The following ASXL1 variants were observed in gnomAD, a reference collection of about 807,000 sequenced individuals.
The protein encoded by ASXL1 is ASXL transcriptional regulator 1, also known as polycomb group protein ASXL1.
A neutral mutation model predicts 89.1 loss-of-function variants in ASXL1; 65 were observed. That is an observed-to-expected ratio of 0.73 (90% confidence interval 0.60 to 0.90). ASXL1 has a LOEUF of 0.90. ASXL1 is among the 40% of genes least tolerant of loss of function. The pLI is 0.00. For synonymous variants in ASXL1, 739 were observed against 746.9 expected, an observed-to-expected ratio of 0.99 and a Z score of 0.17; for missense variants, 1,786 against 1,942.9, an observed-to-expected ratio of 0.92 and a Z score of 1.52.
At chr20:32,381,955 C>CTT in intron 4 of ASXL1, among the ~76,000 whole-genome samples, 1 of 121,212 alleles carries the variant, frequency 8.3e-6, no homozygotes. Context: ...TTTTTTCTTG[C>CTT]CTTTTTTTTT....
At position 32,429,181 on chromosome 20, in the gene ASXL1, G is replaced by C; in HGVS notation, c.472-157G>C. The C allele has an allele frequency of 4.0e-6, 3 of 746,320 alleles. No individual in the cohort carries two copies. Among genetic ancestry groups the C allele is most frequent in the Non-Finnish European group, 7.0e-6 (3 of 425,828 alleles). 46.2% of individuals were successfully genotyped at this position (746,320 alleles called of 1,614,324 possible). A position where few individuals can be genotyped will look rare whatever the true frequency, so the allele number is the denominator to read the frequency against. ...GGCACAGTGACCAGCACGTAGCTCAGTAACATTAACCAGTGCTCTTGTCAG... is the reference window on the plus strand; with the variant it reads ...GGCACAGTGACCAGCACGTAGCTCACTAACATTAACCAGTGCTCTTGTCAG... On this transcript the variant is annotated intron_variant, in intron 6 of 12. Transcript: ENST00000375687. This position sits in a 1 kb window ranked among gnomAD's most constrained non-coding sequence, Gnocchi z 4.9.
At chr20:32,397,643 C>G (rs1836553830) in intron 4 of ASXL1, among the ~76,000 whole-genome samples, 1 of 152,174 alleles carries the variant, frequency 6.6e-6, no homozygotes, top group South Asian at 2.1e-4. Context: ...GTGATGCACC[C>G]ACCTGGGCCT....
intron 1 of ASXL1, chr20:32,359,545 G>A: frequency 1.5e-6 from 1 of 648,724 alleles, no homozygotes; most frequent in South Asian, 1.8e-5. Flanking sequence ...AGTGGCTCAC[G>A]GACCCCACTT....
rs560912504 is a variant in ASXL1, at chr20:32,371,377, C to G, written c.252+2254C>G. Among the ~76,000 whole-genome samples, 11 of 152,266 alleles carry G rather than the reference C, an allele frequency of 7.2e-5. No individual in the cohort carries two copies. The South Asian group carries it at 2.3e-3, about 32-fold the overall frequency. ...CACAGCTCACTGCAGCCTTGACCTACTAGGCTCAAGTGATCCTCCCACCTC... is the reference window on the plus strand; with the variant it reads ...CACAGCTCACTGCAGCCTTGACCTAGTAGGCTCAAGTGATCCTCCCACCTC... On this transcript the variant is annotated intron_variant, in intron 4 of 12. Transcript: ENST00000375687.
At chr20:32,380,997 CATT>C (rs1158887167) in intron 4 of ASXL1, among the ~76,000 whole-genome samples, 1 of 152,126 alleles carries the variant, frequency 6.6e-6, no homozygotes, top group African/African-American at 2.4e-5. Flanking sequence ...TCTAACTGGT[CATT>C]ATTCATTGTG....
intron 4 of ASXL1, among the ~76,000 whole-genome samples, chr20:32,389,898 A>G (rs1206027217): frequency 1.3e-5 from 2 of 152,214 alleles, no homozygotes; most frequent in Non-Finnish European, 2.9e-5. Flanking sequence ...ACAAGTATAC[A>G]GCTTTGTGAG....
intron 4 of ASXL1, among the ~76,000 whole-genome samples, chr20:32,398,636 G>A (rs2048813089): frequency 7.3e-6 from 1 of 137,564 alleles, no homozygotes; most frequent in South Asian, 2.3e-4. Context: ...TTGAGACGGA[G>A]TCTTGCTCTG....
At position 32,436,104 on chromosome 20, in the gene ASXL1, C is replaced by T. The variant is rs2011842502; in HGVS notation, c.3392C>T (p.Ser1131Leu). 6.2e-7 allele frequency: 1 copy of T among 1,614,032 alleles called. No homozygotes were observed. Among genetic ancestry groups the T allele is most frequent in the African/African-American group, 1.3e-5 (1 of 74,924 alleles). ...VLPPAHDDSMSESPQVPLTKD... is the reference protein window; with the variant it reads ...VLPPAHDDSMLESPQVPLTKD... ...CCACCAGCCCACGATGACAGCATGT[C>T]AGAATCCCCACAAGTACCACTTACA... Residue 1131 changes from serine to leucine, a missense_variant, in exon 13 of 13, where the codon TCA becomes TTA. Physicochemically the swap from Ser to Leu is moderately radical, Grantham distance 145. Around this residue, in one of 3 missense-constraint regions of ASXL1, gnomAD observed 1,418 missense variants for 1,427.8 expected, o/e 0.99. Transcript: ENST00000375687.
At position 32,397,153 on chromosome 20, in the gene ASXL1, T is replaced by C. The variant is rs548131856; in HGVS notation, c.252+28030T>C. ...TCCGCCTACCAGGTTCAAGCAGTTC[T>C]CCTGCCTCAGCCTCCCGAGTAGCTG... On this transcript the variant is annotated intron_variant, in intron 4 of 12. Coordinates refer to ENST00000375687, the MANE Select transcript of ASXL1 (RefSeq NM_015338.6). Among the ~76,000 whole-genome samples, 21 of 139,184 alleles carry C rather than the reference T, an allele frequency of 1.5e-4. No individual in the cohort carries two copies. The East Asian group carries it at 4.9e-3, about 33-fold the overall frequency. 91.3% of individuals were successfully genotyped at this position (139,184 alleles called of 152,430 possible). A position where few individuals can be genotyped will look rare whatever the true frequency, so the allele number is the denominator to read the frequency against.
intron 4 of ASXL1, among the ~76,000 whole-genome samples, chr20:32,387,368 C>G (rs2048597450): frequency 1.3e-5 from 2 of 152,174 alleles, no homozygotes; most frequent in Non-Finnish European, 2.9e-5. Context: ...CTGTTTCTTT[C>G]ACATCATAGC....
chr20:32,369,023 C>A lies in ASXL1; in HGVS notation c.152C>A (p.Ser51Tyr), dbSNP rs1276613425. The A allele has an allele frequency of 1.9e-6, 3 of 1,613,190 alleles. No homozygotes were observed. The highest frequency in any genetic ancestry group is 2.5e-6 in the Non-Finnish European group (3 of 1,179,172). ...CTTTTGTGGTTTTACAGTGGGACTT[C>A]CCCTCTCGCATGCCTCAATGCTATG... is the stretch of plus-strand genomic sequence containing the variant. Reference protein sequence around the residue: ...EGLKEMRSGTSPLACLNAMLH... With the variant: ...EGLKEMRSGTYPLACLNAMLH... The change falls in exon 4 of 13, where the codon TCC becomes TAC. Residue 51 changes from serine (S) to tyrosine (Y), a missense_variant. Ser to Tyr is a moderately radical substitution (Grantham distance 144). Transcript: ENST00000375687.
At position 32,426,541 on chromosome 20, in the gene ASXL1, C is replaced by CTTTTTTT. The variant is rs1014372390; in HGVS notation, c.253-1585_253-1579dup. Reference sequence around the variant, plus strand: ...AGGTAAAGATGTAGAAAACTGTTTTCTTTTTTTTCTTTCTTTTTTTTTTTT... The same window carrying CTTTTTTT: ...AGGTAAAGATGTAGAAAACTGTTTTCTTTTTTTTTTTTTTTCTTTCTTTTTTTTTTTT... On this transcript the variant is annotated intron_variant, in intron 4 of 12. Transcript: ENST00000375687. Among the ~76,000 whole-genome samples, 357 of 92,460 alleles carry CTTTTTTT rather than the reference C, an allele frequency of 3.9e-3. 49 individuals carry two copies. Among genetic ancestry groups the CTTTTTTT allele is most frequent in the East Asian group, 0.011 (20 of 1,872 alleles). The allele number at this position is 92,460 out of a possible 152,430, so 60.7% of individuals were successfully genotyped here.
chr20:32,369,116 C>A lies in ASXL1; in HGVS notation c.245C>A (p.Thr82Lys). The A allele has an allele frequency of 6.2e-7, 1 of 1,606,768 alleles. No individual in the cohort carries two copies. Among genetic ancestry groups the A allele is most frequent in the Non-Finnish European group, 8.5e-7 (1 of 1,173,292 alleles). The part of the protein sequence containing the change: ...YKLPGRISLF[T>K]LKKDALQWSR... ...CTGCCTGGCCGAATCAGCCTTTTCA[C>A]GCTCAAGGTAAGTGATATGAACTCT... The change falls in exon 4 of 13, where the codon ACG becomes AAG. Residue 82 changes from threonine to lysine, a missense_variant. By Grantham distance (78) the Thr-to-Lys change is moderately conservative (BLOSUM62 -1). Transcript: ENST00000375687.
Position 32,437,010 on chromosome 20 carries a change from A to C in ASXL1, c.4298A>C (p.Gln1433Pro). The C allele has an allele frequency of 3.1e-6, 5 of 1,613,940 alleles. No individual in the cohort carries two copies. The highest frequency in any genetic ancestry group is 4.2e-6 in the Non-Finnish European group (5 of 1,179,984). Reference protein sequence around the residue: ...EPLEPSSLPSQLSIKQAFYGK... With the variant: ...EPLEPSSLPSPLSIKQAFYGK... ...CTGGAGCCTTCTTCTCTCCCCTCCC[A>C]ACTCAGCATCAAGCAGGCATTTTAT... The change falls in exon 13 of 13, where the codon CAA (glutamine) becomes CCA (proline). Residue 1433 changes from glutamine (Q) to proline (P), a missense_variant. Transcript: ENST00000375687.
At chr20:32,412,494 G>A (rs1315911153) in intron 4 of ASXL1, among the ~76,000 whole-genome samples, 1 of 151,956 alleles carries the variant, frequency 6.6e-6, no homozygotes, top group Non-Finnish European at 1.5e-5. Context: ...TTCACTTTAA[G>A]TATATGTCAG....
intron 4 of ASXL1, among the ~76,000 whole-genome samples, chr20:32,423,388 C>T (rs2011190251): frequency 7.5e-6 from 1 of 133,536 alleles, no homozygotes; most frequent in Non-Finnish European, 1.7e-5. Flanking sequence ...TGCCACCATG[C>T]CTAGCTAATT....
rs749636650 is a variant in ASXL1, at chr20:32,436,422, C to T, written c.3710C>T (p.Ser1237Phe). 4.9e-5 allele frequency: 79 copies of T among 1,613,852 alleles called. No individual in the cohort carries two copies. The highest frequency in any genetic ancestry group is 6.4e-5 in the Non-Finnish European group (75 of 1,180,038). ...ATGGATTCCAAAGAGCAGTTCTCTT[C>T]CTTTAGTTGTGAAGATCAGAAGGAA... ...EEMDSKEQFS[S>F]FSCEDQKEVR... The change falls in exon 13 of 13, where the codon TCC becomes TTC. Residue 1237 changes from serine (S) to phenylalanine (F), a missense_variant. Coordinates refer to ENST00000375687, the MANE Select transcript of ASXL1 (RefSeq NM_015338.6).
chr20:32,394,464 A>G (rs930686735), intron 4 of ASXL1, among the ~76,000 whole-genome samples: 1 of 152,238 alleles, frequency 6.6e-6, no homozygotes, highest in East Asian at 1.9e-4. Context: ...TTAGTGGTTC[A>G]TTTTTAAGTC....
At chr20:32,389,551 T>C (rs1203969297) in intron 4 of ASXL1, among the ~76,000 whole-genome samples, 1 of 152,168 alleles carries the variant, frequency 6.6e-6, no homozygotes, top group Non-Finnish European at 1.5e-5. Context: ...ATGGCATAAT[T>C]TACGTACAGT....
Sources: allele counts gnomAD v4.1 joint callset (sites outside exome capture counted in the v4.1 genomes callset), GRCh38; gene constraint gnomAD v4.1.1; regional missense constraint gnomAD v4.1.1; non-coding constraint Gnocchi (gnomAD v3.1); transcripts MANE v1.5; gene names NCBI Gene and HGNC (gene_info 2026-07-23, HGNC 2026-07-21).